CHRDL1: variants seen among roughly 807,000 people sequenced by gnomAD.
CHRDL1 encodes chordin like 1, also known as chordin-like protein 1.
Under a neutral mutation model 40.9 loss-of-function variants are expected in CHRDL1, and 19 were observed. The observed-to-expected ratio is 0.46, with a 90% CI of 0.32 to 0.68. CHRDL1 has a LOEUF of 0.68. CHRDL1 is among the 30% of genes least tolerant of loss of function. The probability of loss-of-function intolerance (pLI) is 0.03; values close to 1 mark genes in which losing one functional copy is unlikely to be tolerated. For missense variants in CHRDL1, 329 were observed against 352.1 expected, an observed-to-expected ratio of 0.93 and a Z score of 0.53; for synonymous variants, 136 against 123.4, an observed-to-expected ratio of 1.10 and a Z score of -0.68.
chrX:110,700,343 A>C (rs1412606272), intron 7 of CHRDL1, among the ~76,000 whole-genome samples: 3 of 111,716 alleles, frequency 2.7e-5, no homozygotes, highest in Non-Finnish European at 3.8e-5. Flanking sequence ...TGAGGATAGG[A>C]GTGACCTAGC....
intron 2 of CHRDL1, among the ~76,000 whole-genome samples, chrX:110,770,265 C>T (rs1285703083): frequency 1.8e-5 from 2 of 111,971 alleles, no homozygotes; most frequent in African/African-American, 3.2e-5. Context: ...AAACATTATA[C>T]ATAATCCCAG....
chrX:110,790,913 A>G (rs1044306027), intron 2 of CHRDL1, among the ~76,000 whole-genome samples: 7 of 105,327 alleles, frequency 6.6e-5, no homozygotes, highest in Middle Eastern at 4.2e-3. Flanking sequence ...ATCATACTAG[A>G]TATCACCATA....
chrX:110,753,570 C>T (rs998519838), intron 4 of CHRDL1, among the ~76,000 whole-genome samples: 3 of 111,312 alleles, frequency 2.7e-5, no homozygotes, highest in South Asian at 3.7e-4. Flanking sequence ...TCTTTTACCA[C>T]AATAATAAAT....
At chrX:110,756,033 C>T (rs969854898) in intron 4 of CHRDL1, among the ~76,000 whole-genome samples, 14 of 111,998 alleles carry the variant, frequency 1.3e-4, no homozygotes, top group Non-Finnish European at 2.3e-4. Context: ...AAGCTCCACT[C>T]CTCTCTGCTA....
intron 2 of CHRDL1, among the ~76,000 whole-genome samples, chrX:110,776,516 TG>T (rs1299072155): frequency 2.7e-5 from 3 of 111,822 alleles, no homozygotes; most frequent in African/African-American, 9.7e-5. Flanking sequence ...AATTCCAGAT[TG>T]GTAGCCTTTT....
chrX:110,784,648 G>C (rs1395628396), intron 2 of CHRDL1, among the ~76,000 whole-genome samples: 1 of 111,137 alleles, frequency 9.0e-6, no homozygotes, highest in Non-Finnish European at 1.9e-5. Context: ...TCCTGACCTC[G>C]TGATTCACCT....
chrX:110,779,360 C>T (rs1056112645), intron 2 of CHRDL1, among the ~76,000 whole-genome samples: 2 of 111,525 alleles, frequency 1.8e-5, no homozygotes, highest in African/African-American at 3.3e-5. Flanking sequence ...GTCTGTGTTC[C>T]ATTTTGAGTA....
intron 4 of CHRDL1, among the ~76,000 whole-genome samples, chrX:110,741,290 A>T (rs2071355225): frequency 8.9e-6 from 1 of 111,849 alleles, no homozygotes; most frequent in South Asian, 3.8e-4. Context: ...CCTCTCCTCC[A>T]ATATCAGGAT....
chrX:110,712,853 C>T (rs779089332), intron 6 of CHRDL1, among the ~76,000 whole-genome samples: 31 of 111,116 alleles, frequency 2.8e-4, no homozygotes, highest in African/African-American at 9.5e-4. Flanking sequence ...AGAGTGAGAC[C>T]CTGTCTCTGA....
At chrX:110,747,488 C>G (rs1205504705) in intron 4 of CHRDL1, among the ~76,000 whole-genome samples, 1 of 108,663 alleles carries the variant, frequency 9.2e-6, no homozygotes, top group Non-Finnish European at 1.9e-5. Flanking sequence ...ACAAATATAA[C>G]AGTCCCCCAA....
intron 2 of CHRDL1, among the ~76,000 whole-genome samples, chrX:110,783,561 A>G (rs2089976235): frequency 8.9e-6 from 1 of 112,259 alleles, no homozygotes; most frequent in Non-Finnish European, 1.9e-5. Context: ...AAATCCCAGT[A>G]TATCATCTTG....
intron 2 of CHRDL1, among the ~76,000 whole-genome samples, chrX:110,764,873 C>A (rs781222481): frequency 9.0e-6 from 1 of 111,002 alleles, no homozygotes; most frequent in South Asian, 3.9e-4. Context: ...TCCTGCAGTA[C>A]CCTCAGGCTT....
Position 110,744,991 on chromosome X carries a change from ACAC to A in CHRDL1, c.301+14667_301+14669del, listed in dbSNP as rs769651987. Among the ~76,000 whole-genome samples, 82 of 95,343 alleles carry A rather than the reference ACAC, an allele frequency of 8.6e-4. 3 individuals carry two copies. Among genetic ancestry groups the A allele is most frequent in the African/African-American group, 4.8e-3 (80 of 16,505 alleles). The allele number at this position is 95,343 out of a possible 115,157, so 82.8% of individuals were successfully genotyped here. ...CACACACACACACACACACACACAC[ACAC>A]ATACATACCACACAATGTCACCCAC... On this transcript the variant is annotated intron_variant, in intron 4 of 11. Coordinates refer to ENST00000372042, the MANE Select transcript of CHRDL1 (RefSeq NM_001143981.2).
chrX:110,732,474 TGAGAG>T, intron 4 of CHRDL1, among the ~76,000 whole-genome samples: 1 of 111,534 alleles, frequency 9.0e-6, no homozygotes. Context: ...AGGTGCCGAG[TGAGAG>T]GAAACAGTCA....
rs201209994 is a variant in CHRDL1 at position 110,694,359 on chromosome X, C to T, written c.610-28G>A. ...GTAAAATAACAAGAACAAATTTAGT[C>T]CAAAAGCCACCAATGAGATCACAGA... On this transcript the variant is annotated intron_variant, in intron 7 of 11. Coordinates refer to ENST00000372042, the MANE Select transcript of CHRDL1 (RefSeq NM_001143981.2). 308 of 1,100,932 alleles carry T rather than the reference C, an allele frequency of 2.8e-4. 1 individual carries two copies. The highest frequency in any genetic ancestry group is 3.6e-4 in the Non-Finnish European group (291 of 803,573). The allele number at this position is 1,100,932 out of a possible 1,213,427, so 90.7% of individuals were successfully genotyped here.
intron 7 of CHRDL1, among the ~76,000 whole-genome samples, chrX:110,696,658 C>G (rs1015107312): frequency 9.0e-6 from 1 of 111,675 alleles, no homozygotes; most frequent in Admixed American, 9.5e-5. Context: ...CTACAATGTT[C>G]ACAACCACAT....
chrX:110,788,823 C>A (rs750466306), intron 2 of CHRDL1, among the ~76,000 whole-genome samples: 1 of 111,341 alleles, frequency 9.0e-6, no homozygotes, highest in South Asian at 3.7e-4. Flanking sequence ...ACCTACCATC[C>A]GGAGATTTAA....
intron 7 of CHRDL1, 108 bp from the exon 8 acceptor site, chrX:110,694,439 C>CT (rs1333173258): frequency 1.7e-5 from 9 of 517,568 alleles, no homozygotes; most frequent in Admixed American, 3.9e-5. Flanking sequence ...GTGGTGAGCT[C>CT]TGATTTCAGC....
In CHRDL1 at chrX:110,675,420, A is replaced by G. The variant is rs2069752216; in HGVS notation, c.*811T>C. 1.8e-5 allele frequency: 2 copies of G among 111,580 alleles called. No homozygotes were observed. Among genetic ancestry groups the G allele is most frequent in the Admixed American group, 1.9e-4 (2 of 10,462 alleles). 9.2% of individuals were successfully genotyped at this position (111,580 alleles called of 1,213,427 possible). On this transcript the variant is annotated 3_prime_UTR_variant, in exon 12 of 12. Coordinates refer to ENST00000372042, the MANE Select transcript of CHRDL1 (RefSeq NM_001143981.2). Reference sequence around the variant, plus strand: ...ACAGGGGGAAAAGAAAAGTGGTATCATTAGGGAAAAATTATTACCACTTCT... The same window carrying G: ...ACAGGGGGAAAAGAAAAGTGGTATCGTTAGGGAAAAATTATTACCACTTCT...
Sources: allele counts gnomAD v4.1 joint callset (sites outside exome capture counted in the v4.1 genomes callset), GRCh38; gene constraint gnomAD v4.1.1; transcripts MANE v1.5; gene names NCBI Gene and HGNC (gene_info 2026-07-23, HGNC 2026-07-21).